Variants in STX8 observed in about 807,000 individuals in gnomAD.
STX8 encodes syntaxin 8.
Under a neutral mutation model 37.5 loss-of-function variants are expected in STX8, and 23 were observed. The observed-to-expected ratio is 0.61, with a 90% CI of 0.44 to 0.87. The LOEUF is 0.87. Ranked by LOEUF, STX8 falls within the 40% of genes least tolerant of loss-of-function variation. The pLI is 0.00. For missense variants in STX8, 313 were observed against 284.7 expected, an observed-to-expected ratio of 1.10 and a Z score of -0.71; for synonymous variants, 115 against 99.1, an observed-to-expected ratio of 1.16 and a Z score of -0.95.
chr17:9,396,531 T>G (rs952106731), intron 6 of STX8, among the ~76,000 whole-genome samples: 2 of 151,946 alleles, frequency 1.3e-5, no homozygotes, highest in African/African-American at 4.8e-5. Context: ...GCCAACATGG[T>G]GAGACCCCGT....
At chr17:9,287,602 T>C (rs1175331346) in intron 7 of STX8, among the ~76,000 whole-genome samples, 3 of 152,162 alleles carry the variant, frequency 2.0e-5, no homozygotes, top group South Asian at 4.1e-4. Context: ...TCAGCAGTGA[T>C]GGACTAAACA....
At chr17:9,454,968 C>T (rs932905872) in intron 6 of STX8, among the ~76,000 whole-genome samples, 19 of 152,094 alleles carry the variant, frequency 1.2e-4, no homozygotes, top group Admixed American at 5.2e-4. Context: ...GTAATCCCAG[C>T]GCTTTGGAAG....
At chr17:9,323,253 C>T (rs1909637796) in intron 7 of STX8, among the ~76,000 whole-genome samples, 1 of 151,920 alleles carries the variant, frequency 6.6e-6, no homozygotes, top group African/African-American at 2.4e-5. Flanking sequence ...ACTAATAACC[C>T]TTGGAAATTT....
chr17:9,319,602 G>A (rs77470016), intron 7 of STX8, among the ~76,000 whole-genome samples: 1 of 152,176 alleles, frequency 6.6e-6, no homozygotes, highest in Admixed American at 6.6e-5. Context: ...CAGAGGGTTT[G>A]AGGATCTTGG....
chr17:9,346,806 C>T (rs1180513491), intron 7 of STX8, among the ~76,000 whole-genome samples: 1 of 152,172 alleles, frequency 6.6e-6, no homozygotes, highest in Admixed American at 6.5e-5. Context: ...AGTTTTATGA[C>T]AGTGACATGA....
At chr17:9,534,070 G>T (rs931916885) in intron 4 of STX8, among the ~76,000 whole-genome samples, 1 of 151,380 alleles carries the variant, frequency 6.6e-6, no homozygotes, top group Non-Finnish European at 1.5e-5. Context: ...TCTTTAAAAA[G>T]AAATAACTGA....
At chr17:9,510,369 T>C (rs539280244) in intron 4 of STX8, among the ~76,000 whole-genome samples, 1 of 152,280 alleles carries the variant, frequency 6.6e-6, no homozygotes, top group South Asian at 2.1e-4. Flanking sequence ...ACTGACCATA[T>C]GTTAGGACAC....
chr17:9,483,349 C>G (rs1288652192), intron 6 of STX8, among the ~76,000 whole-genome samples: 1 of 152,180 alleles, frequency 6.6e-6, no homozygotes, highest in African/African-American at 2.4e-5. Flanking sequence ...GTTTCAAACT[C>G]CCTCTGCCTC....
At chr17:9,503,105 C>CAAAAAAAAAAAAAA (rs61437085) in intron 5 of STX8, among the ~76,000 whole-genome samples, 36 of 58,572 alleles carry the variant, frequency 6.1e-4, no homozygotes, top group African/African-American at 2.6e-3. Flanking sequence ...GACTCTGTCT[C>CAAAAAAAAAAAAAA]AAAAAAAAAA....
At chr17:9,385,027 A>G (rs777771683) in intron 6 of STX8, among the ~76,000 whole-genome samples, 67 of 152,086 alleles carry the variant, frequency 4.4e-4, no homozygotes, top group Middle Eastern at 3.4e-3. Flanking sequence ...AAAAAAAAAA[A>G]AGAGAGAAAA....
At chr17:9,467,368 G>T (rs893564513) in intron 6 of STX8, 2 of 152,184 alleles carry the variant, frequency 1.3e-5, no homozygotes, top group Admixed American at 6.6e-5. Flanking sequence ...GGGTCTGGAG[G>T]GTGAAAGCAG....
intron 6 of STX8, among the ~76,000 whole-genome samples, chr17:9,383,425 A>T (rs1911884960): frequency 6.6e-6 from 1 of 152,236 alleles, no homozygotes; most frequent in Non-Finnish European, 1.5e-5. Context: ...TTCAGTGTCC[A>T]TCCATGATAC....
At chr17:9,556,806 T>C (rs1192928326) in intron 3 of STX8, 1 of 138,004 alleles carries the variant, frequency 7.2e-6, no homozygotes, top group Non-Finnish European at 1.5e-5. Context: ...CACATACATA[T>C]ATATATATAT....
At chr17:9,379,160 G>A (rs921232438) in intron 6 of STX8, among the ~76,000 whole-genome samples, 2 of 150,454 alleles carry the variant, frequency 1.3e-5, no homozygotes. Context: ...TAGGAGAATC[G>A]CTTGAACCCG....
At position 9,398,951 on chromosome 17, in the gene STX8, A is replaced by C. The variant is rs59478745; in HGVS notation, c.542-20298T>G. Among the ~76,000 whole-genome samples the C allele has an allele frequency of 6.9e-3, 1,040 of 150,166 alleles. 14 individuals carry two copies. The highest frequency in any genetic ancestry group is 0.024 in the African/African-American group (992 of 40,962). On this transcript the variant is annotated intron_variant, in intron 6 of 7. Transcript: ENST00000306357. ...GTAATCCCAGCTACTCGGGAGGTGG[A>C]GGCATGAGAATCGCTTGAACCTGGG...
intron 6 of STX8, among the ~76,000 whole-genome samples, chr17:9,476,606 C>T (rs1486723485): frequency 6.6e-6 from 1 of 152,060 alleles, no homozygotes; most frequent in Non-Finnish European, 1.5e-5. Flanking sequence ...GCACATGCCA[C>T]CACACCCAGC....
chr17:9,307,680 C>T (rs888399744), intron 7 of STX8, among the ~76,000 whole-genome samples: 1 of 152,080 alleles, frequency 6.6e-6, no homozygotes, highest in Non-Finnish European at 1.5e-5. Flanking sequence ...GGGATCAGAA[C>T]GCGATACCCC....
chr17:9,380,606 G>A (rs893361982), intron 6 of STX8, among the ~76,000 whole-genome samples: 10 of 151,356 alleles, frequency 6.6e-5, no homozygotes, highest in African/African-American at 1.9e-4. Context: ...CATTTCAGTC[G>A]ATGACCGACC....
intron 4 of STX8, among the ~76,000 whole-genome samples, chr17:9,543,128 A>T (rs1228097456): frequency 6.6e-6 from 1 of 152,128 alleles, no homozygotes; most frequent in South Asian, 2.1e-4. Context: ...CTGCCTCATC[A>T]CTACCAAGCA....
Sources: allele counts gnomAD v4.1 joint callset (sites outside exome capture counted in the v4.1 genomes callset), GRCh38; gene constraint gnomAD v4.1.1; transcripts MANE v1.5; gene names NCBI Gene and HGNC (gene_info 2026-07-23, HGNC 2026-07-21).